STAT6: variants seen among roughly 807,000 people sequenced by gnomAD.
STAT6 encodes the protein signal transducer and activator of transcription 6.
A neutral mutation model predicts 106.3 loss-of-function variants in STAT6; 45 were observed. That is an observed-to-expected ratio of 0.42 (90% CI 0.33 to 0.54). STAT6 has a LOEUF of 0.54. Ranked by LOEUF, STAT6 falls within the 20% of genes least tolerant of loss-of-function variation. The pLI, the probability that STAT6 is intolerant of heterozygous loss-of-function variation, is 0.06. For synonymous variants in STAT6, 413 were observed against 413.6 expected (o/e 1.00, Z 0.02); for missense variants, 797 against 1,062.2 (o/e 0.75, Z 3.47).
At chr12:57,105,003 C>G (rs1431142061) in intron 9 of STAT6, 148 bp downstream of exon 9, 1 of 1,214,012 alleles carries the variant, frequency 8.2e-7, no homozygotes, top group African/African-American at 1.5e-5. Context: ...CTAAATGGGT[C>G]CCTCCCTTTC....
chr12:57,096,466 G>C lies in STAT6; in HGVS notation c.*106C>G, dbSNP rs1017160675. On this transcript the variant is annotated 3_prime_UTR_variant, in exon 22 of 22. Coordinates refer to ENST00000300134, the MANE Select transcript of STAT6 (RefSeq NM_003153.5). ...GACCCAGGAGTAGGTGGGGATAGGAGGGCACCCTCCCCATCTGCTGCTTGG... is the reference window on the plus strand; with the variant it reads ...GACCCAGGAGTAGGTGGGGATAGGACGGCACCCTCCCCATCTGCTGCTTGG... 6 of 1,145,688 alleles carry C rather than the reference G, an allele frequency of 5.2e-6. No homozygotes were observed. In the African/African-American group the frequency reaches 9.4e-5, roughly 18 times the overall value. The allele number at this position is 1,145,688 out of a possible 1,614,324, so 71.0% of individuals were successfully genotyped here.
chr12:57,106,282 C>T lies in STAT6; in HGVS notation c.589G>A (p.Val197Met). 6.2e-7 allele frequency: 1 copy of T among 1,614,254 alleles called. No homozygotes were observed. Among genetic ancestry groups the T allele is most frequent in the Non-Finnish European group, 8.5e-7 (1 of 1,180,046 alleles). Reference sequence around the variant, plus strand: ...TTCCAAATCTGGATCCTCTTCAGCACTAGGGCTTTGGCTGCCTCTAGCTCT... The same window carrying T: ...TTCCAAATCTGGATCCTCTTCAGCATTAGGGCTTTGGCTGCCTCTAGCTCT... ...TGELEAAKAL[V>M]LKRIQIWKRQ... is the part of the protein sequence containing the mutation. The change falls in exon 7 of 22, where the codon GTG (valine) becomes ATG (methionine). Residue 197 changes from valine to methionine, a missense_variant. Physicochemically the swap from Val to Met is conservative, Grantham distance 21. Coordinates refer to ENST00000300134, the MANE Select transcript of STAT6 (RefSeq NM_003153.5).
In STAT6 at chr12:57,107,692, T is replaced by C. The variant is rs1390223617; in HGVS notation, c.168A>G (p.Leu56=). ...DAFCCNLASA[L]LSDTVQHLQA... ...GAAGGTGCTGGACAGTGTCTGAAAG[T>C]AGGGCACTAGCCAAGTTGCAGCAGA... The change falls in exon 3 of 22, where the codon CTA becomes CTG. Residue 56 remains leucine (L), a synonymous_variant. Coordinates refer to ENST00000300134, the MANE Select transcript of STAT6 (RefSeq NM_003153.5). 2 of 1,613,932 alleles carry C rather than the reference T, an allele frequency of 1.2e-6. No homozygotes were observed. Among genetic ancestry groups the C allele is most frequent in the Non-Finnish European group, 1.7e-6 (2 of 1,179,992 alleles).
At chr12:57,107,150 T>C in intron 4 of STAT6, 81 bp downstream of exon 4, 1 of 1,461,354 alleles carries the variant, frequency 6.8e-7, no homozygotes, top group Non-Finnish European at 9.6e-7. Context: ...TTACTGAGGT[T>C]CAAATTCTTT....
intron 7 of STAT6, 119 bp downstream of exon 7, chr12:57,106,072 C>T (rs1277403307): frequency 6.7e-7 from 1 of 1,503,276 alleles, no homozygotes; most frequent in Non-Finnish European, 8.9e-7. Flanking sequence ...GGCTTTTATG[C>T]ATCTTGGTCC....
At position 57,104,753 on chromosome 12, in the gene STAT6, G is replaced by A. The variant is rs536248424; in HGVS notation, c.1062C>T (p.Asn354=). 6.2e-7 allele frequency: 1 copy of A among 1,614,158 alleles called. No individual in the cohort carries two copies. Among genetic ancestry groups the A allele is most frequent in the South Asian group, 1.1e-5 (1 of 91,076 alleles). Residue 354 remains asparagine, a synonymous_variant, in exon 10 of 22, where the codon AAC becomes AAT. Coordinates refer to ENST00000300134, the MANE Select transcript of STAT6 (RefSeq NM_003153.5). ...TVPLENSIPG[N]CCSALFKNLL... Reference sequence around the variant, plus strand: ...GGTTCTTGAACAGGGCAGAGCAGCAGTTCCCAGGAATGCTGTTCTCCAAGG... The same window carrying A: ...GGTTCTTGAACAGGGCAGAGCAGCAATTCCCAGGAATGCTGTTCTCCAAGG...
intron 13 of STAT6, chr12:57,100,751 GA>G (rs1185833280): frequency 5.4e-4 from 121 of 222,914 alleles, no homozygotes; most frequent in Admixed American, 1.6e-3. Flanking sequence ...AGAAAGAAAA[GA>G]AAAAAAAACC....
At position 57,109,742 on chromosome 12, in the gene STAT6, G is replaced by A. The variant is rs1469679971; in HGVS notation, c.-22+1387C>T. ...AGGTAGAAAGGAGAGGAGGGGACAG[G>A]GAAGTAGAAGAGGGGGTTGCATCCC... On this transcript the variant is annotated intron_variant, in intron 1 of 21. Coordinates refer to ENST00000300134, the MANE Select transcript of STAT6 (RefSeq NM_003153.5). 3.3e-5 allele frequency among the ~76,000 whole-genome samples: 5 copies of A among 152,024 alleles called. No individual in the cohort carries two copies. In the East Asian group the frequency reaches 9.6e-4, roughly 29 times the overall value.
At chr12:57,105,891 T>C (rs1011559817) in intron 7 of STAT6, 4 of 633,824 alleles carry the variant, frequency 6.3e-6, no homozygotes, top group East Asian at 2.9e-5. Flanking sequence ...TTGTGGCAAA[T>C]TGGAAAGTGT....
chr12:57,102,641 A>G, intron 12 of STAT6, 145 bp from the exon 13 acceptor site: 2 of 1,023,306 alleles, frequency 2.0e-6, no homozygotes, highest in Non-Finnish European at 2.9e-6. Context: ...TCTAGGTTAC[A>G]GTGCTGTGGC....
chr12:57,100,700 G>GAAAGAAAA (rs1273811060), intron 13 of STAT6: 1 of 62,936 alleles, frequency 1.6e-5, no homozygotes, highest in African/African-American at 8.4e-5. Flanking sequence ...AAGAAAGAAA[G>GAAAGAAAA]AGAAAGAAAG....
At chr12:57,098,676 T>C in intron 18 of STAT6, 79 bp from the exon 19 acceptor site, 1 of 1,564,460 alleles carries the variant, frequency 6.4e-7, no homozygotes, top group Non-Finnish European at 8.7e-7. Flanking sequence ...CAGGTGTCCC[T>C]CTCATGGAAA....
intron 9 of STAT6, 63 bp downstream of exon 9, chr12:57,105,088 C>T (rs2034186064): frequency 6.5e-7 from 1 of 1,541,030 alleles, no homozygotes; most frequent in Admixed American, 1.8e-5. Context: ...CAGTGCCAGC[C>T]CTCCAGGCTG....
intron 13 of STAT6, chr12:57,100,778 A>G (rs529004776): frequency 3.2e-5 from 12 of 376,498 alleles, no homozygotes; most frequent in Admixed American, 2.3e-4. Context: ...ATAAAATAAC[A>G]TAATATAACA....
intron 1 of STAT6, among the ~76,000 whole-genome samples, chr12:57,108,964 C>T (rs1310481401): frequency 3.3e-5 from 5 of 152,210 alleles, no homozygotes; most frequent in Middle Eastern, 6.8e-3. Context: ...TTTGGGAGGC[C>T]GAGGCGGGCA....
chr12:57,097,020 G>A (rs756292201), intron 20 of STAT6, 42 bp from the exon 21 acceptor site: 9 of 1,600,976 alleles, frequency 5.6e-6, no homozygotes, highest in East Asian at 2.2e-5. Context: ...GCGGGGCAAG[G>A]CCAGGAAAGA....
chr12:57,098,682 G>T, intron 18 of STAT6, 85 bp from the exon 19 acceptor site: 1 of 1,561,694 alleles, frequency 6.4e-7, no homozygotes. Context: ...TCCCTCTCAT[G>T]GAAAGGAAGA....
Position 57,099,128 on chromosome 12 carries a change from G to A in STAT6, c.1892-50C>T, listed in dbSNP as rs1264887753. Reference sequence around the variant, plus strand: ...CATGGAGTGCTCTGGGGTTAGGGAGGAAGGGAGGTGGAAAAGGTGGGCATG... The same window carrying A: ...CATGGAGTGCTCTGGGGTTAGGGAGAAAGGGAGGTGGAAAAGGTGGGCATG... On this transcript the variant is annotated intron_variant, in intron 16 of 21. Coordinates refer to ENST00000300134, the MANE Select transcript of STAT6 (RefSeq NM_003153.5). The surrounding 1 kb of genome is among the most constrained non-coding windows in gnomAD (Gnocchi z 4.7). 1.9e-6 allele frequency: 3 copies of A among 1,607,038 alleles called. No homozygotes were observed. Among genetic ancestry groups the A allele is most frequent in the Non-Finnish European group, 2.5e-6 (3 of 1,177,340 alleles).
chr12:57,110,262 C>T (rs1285714357), intron 1 of STAT6: 1 of 152,328 alleles, frequency 6.6e-6, no homozygotes, highest in Non-Finnish European at 1.5e-5. Flanking sequence ...TTCTCCCCAC[C>T]CCAACCCATA....
Sources: allele counts gnomAD v4.1 joint callset (sites outside exome capture counted in the v4.1 genomes callset), GRCh38; gene constraint gnomAD v4.1.1; non-coding constraint Gnocchi (gnomAD v3.1); transcripts MANE v1.5; gene names NCBI Gene and HGNC (gene_info 2026-07-23, HGNC 2026-07-21).